Variants in STAT5B observed in about 807,000 individuals in gnomAD.
The protein encoded by STAT5B is transcription factor STAT5B.
STAT5B carries 21 observed loss-of-function variants against 107.8 expected under a neutral mutation model. That is an observed-to-expected ratio of 0.19 (90% CI 0.14 to 0.28). STAT5B has a LOEUF of 0.28. Ranked by LOEUF, STAT5B falls within the 10% of genes least tolerant of loss-of-function variation. The pLI is 1.00. For synonymous variants in STAT5B, 325 were observed against 401.7 expected, an observed-to-expected ratio of 0.81 and a Z score of 2.28; for missense variants, 565 against 1,008.2, an observed-to-expected ratio of 0.56 and a Z score of 5.95.
chr17:42,222,113 G>C (rs1416260414), intron 5 of STAT5B, among the ~76,000 whole-genome samples: 1 of 144,414 alleles, frequency 6.9e-6, no homozygotes, highest in Non-Finnish European at 1.5e-5. Context: ...GTGTCTCTGT[G>C]TGCTGTGGGG....
chr17:42,264,284 G>C (rs1162611640), intron 1 of STAT5B, among the ~76,000 whole-genome samples: 2 of 151,258 alleles, frequency 1.3e-5, no homozygotes. Context: ...GTATACATGT[G>C]CCATGCTGGT....
intron 1 of STAT5B, chr17:42,272,573 GA>G (rs2080730134): frequency 1.3e-5 from 2 of 152,146 alleles, no homozygotes; most frequent in East Asian, 3.9e-4. Context: ...TTGCCTTCCC[GA>G]TTGGGTATTC....
chr17:42,265,362 A>C (rs750547186), intron 1 of STAT5B, among the ~76,000 whole-genome samples: 8 of 122,928 alleles, frequency 6.5e-5, no homozygotes, highest in Non-Finnish European at 1.4e-4. Context: ...GCTAAGTCAA[A>C]GGGTATGTAC....
intron 3 of STAT5B, among the ~76,000 whole-genome samples, chr17:42,227,212 G>A (rs1186981352): frequency 2.0e-5 from 3 of 150,966 alleles, no homozygotes; most frequent in Non-Finnish European, 2.9e-5. Context: ...AGGGACACAA[G>A]GTATGCAACT....
chr17:42,245,605 C>T (rs1416920185), intron 1 of STAT5B, among the ~76,000 whole-genome samples: 1 of 151,996 alleles, frequency 6.6e-6, no homozygotes, highest in African/African-American at 2.4e-5. Flanking sequence ...TCACTGCAAC[C>T]TCCGCCCCCC....
At position 42,225,270 on chromosome 17, in the gene STAT5B, G is replaced by C. The variant is rs1173114411; in HGVS notation, c.286-402C>G. Reference sequence around the variant, plus strand: ...GGGTTCCACCATGTTGGCCAGGCTGGTCTCGAACTCCTGACCTCAGGTGAT... The same window carrying C: ...GGGTTCCACCATGTTGGCCAGGCTGCTCTCGAACTCCTGACCTCAGGTGAT... On this transcript the variant is annotated intron_variant, in intron 3 of 18. Coordinates refer to ENST00000293328, the MANE Select transcript of STAT5B (RefSeq NM_012448.4). Among the ~76,000 whole-genome samples the C allele has an allele frequency of 2.0e-5, 3 of 152,118 alleles. No individual in the cohort carries two copies. In the East Asian group the frequency reaches 5.8e-4, roughly 29 times the overall value.
At chr17:42,219,894 A>C (rs747044122) in intron 5 of STAT5B, 52 bp from the exon 6 acceptor site, 1 of 1,613,196 alleles carries the variant, frequency 6.2e-7, no homozygotes, top group Admixed American at 1.7e-5. Context: ...GTCCAACAGG[A>C]GGCCCAGAGA....
intron 2 of STAT5B, 70 bp from the exon 3 acceptor site, chr17:42,227,755 C>G: frequency 6.6e-7 from 1 of 1,514,952 alleles, no homozygotes. Context: ...AGCCTCAACA[C>G]ATCCTACTTT....
chr17:42,263,871 G>GCACAAA (rs2080641155), intron 1 of STAT5B, among the ~76,000 whole-genome samples: 1 of 144,936 alleles, frequency 6.9e-6, no homozygotes, highest in Non-Finnish European at 1.5e-5. Flanking sequence ...TAGAAAGCGC[G>GCACAAA]CACACACACA....
chr17:42,226,389 G>T (rs762764507), intron 3 of STAT5B, among the ~76,000 whole-genome samples: 1 of 152,154 alleles, frequency 6.6e-6, no homozygotes, highest in Non-Finnish European at 1.5e-5. Flanking sequence ...TACCCTAAAG[G>T]ACATGTTTGA....
intron 1 of STAT5B, among the ~76,000 whole-genome samples, chr17:42,259,415 G>A (rs1173143281): frequency 6.6e-6 from 1 of 152,198 alleles, no homozygotes; most frequent in East Asian, 1.9e-4. Flanking sequence ...ACAAGAGGGT[G>A]CATCTGTGGG....
chr17:42,233,981 G>C (rs2080337994), intron 1 of STAT5B: 1 of 152,174 alleles, frequency 6.6e-6, no homozygotes, highest in African/African-American at 2.4e-5. Flanking sequence ...GACTGAAAAT[G>C]AATCTTGCTC....
chr17:42,232,840 GTTTT>G (rs931007817), intron 1 of STAT5B, among the ~76,000 whole-genome samples: 1 of 133,334 alleles, frequency 7.5e-6, no homozygotes, highest in Non-Finnish European at 1.6e-5. Context: ...TTAGCAGAGA[GTTTT>G]TTTTTTTTTT....
chr17:42,277,350 C>A (rs1231935289), upstream of STAT5B, among the ~76,000 whole-genome samples: 1 of 152,174 alleles, frequency 6.6e-6, no homozygotes. Flanking sequence ...CTCCCGCCCC[C>A]ACTCAGACAC....
chr17:42,266,805 A>G (rs1414352372), intron 1 of STAT5B, among the ~76,000 whole-genome samples: 2 of 152,168 alleles, frequency 1.3e-5, no homozygotes, highest in Non-Finnish European at 2.9e-5. Context: ...GCCACTCAGG[A>G]AGCCAAATAT....
At chr17:42,238,992 G>A (rs1162185836) in intron 1 of STAT5B, among the ~76,000 whole-genome samples, 1 of 151,086 alleles carries the variant, frequency 6.6e-6, no homozygotes, top group Non-Finnish European at 1.5e-5. Flanking sequence ...GCTCATGCCT[G>A]TAATCCCAGC....
upstream of STAT5B, chr17:42,276,450 G>C (rs918758245): frequency 2.0e-5 from 3 of 147,762 alleles, no homozygotes; most frequent in African/African-American, 7.3e-5. The surrounding 1 kb of genome is among the most constrained non-coding windows in gnomAD (Gnocchi z 4.8). Flanking sequence ...CGGAGGCCCA[G>C]GGACGCGCGC....
chr17:42,266,953 G>A (rs2080678344), intron 1 of STAT5B, among the ~76,000 whole-genome samples: 1 of 152,164 alleles, frequency 6.6e-6, no homozygotes, highest in Admixed American at 6.5e-5. Flanking sequence ...TACACTCAGA[G>A]TTTCCATATA....
chr17:42,263,602 T>C (rs531091718), intron 1 of STAT5B, among the ~76,000 whole-genome samples: 1 of 152,158 alleles, frequency 6.6e-6, no homozygotes, highest in South Asian at 2.1e-4. Flanking sequence ...TCACAGCTCA[T>C]TGCAGCCTCG....
Sources: allele counts gnomAD v4.1 joint callset (sites outside exome capture counted in the v4.1 genomes callset), GRCh38; gene constraint gnomAD v4.1.1; non-coding constraint Gnocchi (gnomAD v3.1); transcripts MANE v1.5; gene names NCBI Gene and HGNC (gene_info 2026-07-23, HGNC 2026-07-21).